Variants in BBS4 observed in about 807,000 individuals in gnomAD.
BBS4 encodes Bardet-Biedl syndrome 4.
BBS4 carries 58 observed loss-of-function variants against 71.4 expected under a neutral mutation model. The ratio of observed to expected loss-of-function variants is 0.81; its 90% confidence interval spans 0.66 to 1.01. The LOEUF (loss-of-function observed/expected upper bound fraction) is 1.01, where lower values mean the gene tolerates loss of function less well. Among genes scored for constraint, BBS4 ranks in the 50% least tolerant of loss-of-function variants. BBS4 has a pLI of 0.00. For missense variants in BBS4, 660 were observed against 607.9 expected, an observed-to-expected ratio of 1.09 and a Z score of -0.90; for synonymous variants, 228 against 216.8, an observed-to-expected ratio of 1.05 and a Z score of -0.46.
intron 4 of BBS4, 39 bp from the exon 5 acceptor site, chr15:72,715,252 A>T (rs751542455): frequency 6.7e-7 from 1 of 1,497,390 alleles, no homozygotes. Context: ...TTCCCAGAAC[A>T]TGGTTTTACT....
intron 2 of BBS4, among the ~76,000 whole-genome samples, chr15:72,698,475 G>A (rs1034492923): frequency 5.9e-5 from 9 of 152,012 alleles, no homozygotes; most frequent in Admixed American, 2.6e-4. Context: ...TTCATGTAAG[G>A]TGAATCATAC....
chr15:72,738,398 TATC>T lies in BBS4; in HGVS notation c.*817_*819del, dbSNP rs2065970891. The T allele has an allele frequency of 2.4e-6, 1 of 416,738 alleles. No homozygotes were observed. The highest frequency in any genetic ancestry group is 1.8e-5 in the South Asian group (1 of 56,510). 25.8% of individuals were successfully genotyped at this position (416,738 alleles called of 1,614,324 possible). On this transcript the variant is annotated 3_prime_UTR_variant, in exon 16 of 16. Coordinates refer to ENST00000268057, the MANE Select transcript of BBS4 (RefSeq NM_033028.5). The stretch of plus-strand genomic sequence containing the variant: ...TGTCCTTTTTAGAATAAAGATTACA[TATC>T]ATCATTCCTTTGGGGAAAATTGTTA...
rs1210370695 is a variant in BBS4, at chr15:72,713,347, A to ACACACG, written c.220+1043_220+1044insACGCAC. On this transcript the variant is annotated intron_variant, in intron 4 of 15. Transcript: ENST00000268057. ...CACACACACACACACACACACACAC[A>ACACACG]CACGCACACGCACGCACGCACTGGT... Among the ~76,000 whole-genome samples the ACACACG allele has an allele frequency of 1.9e-3, 221 of 118,754 alleles. No individual in the cohort carries two copies. The East Asian group carries it at 0.028, about 15-fold the overall frequency. 77.9% of individuals were successfully genotyped at this position (118,754 alleles called of 152,430 possible). A position where few individuals can be genotyped will look rare whatever the true frequency, so the allele number is the denominator to read the frequency against.
At chr15:72,723,244 T>C (rs1015166892) in intron 7 of BBS4, among the ~76,000 whole-genome samples, 3 of 152,344 alleles carry the variant, frequency 2.0e-5, no homozygotes, top group East Asian at 1.9e-4. Flanking sequence ...TTTAGGGTCA[T>C]TGAAAATAAA....
intron 2 of BBS4, among the ~76,000 whole-genome samples, chr15:72,702,674 T>C (rs2151006552): frequency 6.6e-6 from 1 of 152,190 alleles, no homozygotes; most frequent in South Asian, 2.1e-4. Context: ...CAGCCCAGTC[T>C]CTTCCTCTTC....
intron 1 of BBS4, among the ~76,000 whole-genome samples, chr15:72,687,343 C>T (rs2064876066): frequency 6.6e-6 from 1 of 151,982 alleles, no homozygotes; most frequent in Admixed American, 6.6e-5. Flanking sequence ...GTGCATCACG[C>T]CTGTAATCCC....
intron 1 of BBS4, chr15:72,686,453 C>T (rs2064839704): frequency 1.3e-6 from 2 of 1,532,328 alleles, no homozygotes; most frequent in East Asian, 2.5e-5. Flanking sequence ...AGCACAGGTC[C>T]TGTTCTAGGA....
Position 72,689,712 on chromosome 15 carries a change from TTGTC to T in BBS4, c.24+3464_24+3467del, listed in dbSNP as rs2064946857. 5.6e-5 allele frequency among the ~76,000 whole-genome samples: 4 copies of T among 71,870 alleles called. No homozygotes were observed. The South Asian group carries it at 3.4e-3, about 61-fold the overall frequency. The allele number at this position is 71,870 out of a possible 152,430, so 47.1% of individuals were successfully genotyped here. ...ACTCCAGCAGGGGCAGAGTGAGACTTTGTCTGAAAAAAACAAAAAATGAATGAGC... is the reference window on the plus strand; with the variant it reads ...ACTCCAGCAGGGGCAGAGTGAGACTTTGAAAAAAACAAAAAATGAATGAGC... On this transcript the variant is annotated intron_variant, in intron 1 of 15. Transcript: ENST00000268057.
chr15:72,709,364 A>G (rs1323118365), intron 2 of BBS4, among the ~76,000 whole-genome samples: 1 of 152,248 alleles, frequency 6.6e-6, no homozygotes, highest in East Asian at 1.9e-4. Context: ...TCCTTTAGAA[A>G]GTCTTTCTGT....
At chr15:72,708,049 C>G (rs1303885395) in intron 2 of BBS4, among the ~76,000 whole-genome samples, 1 of 151,736 alleles carries the variant, frequency 6.6e-6, no homozygotes, top group South Asian at 2.1e-4. Context: ...TCACTGTAAC[C>G]TCCTTCTCCC....
intron 1 of BBS4, chr15:72,686,728 GGCT>G: frequency 2.2e-6 from 1 of 457,562 alleles, no homozygotes; most frequent in South Asian, 1.9e-5. Flanking sequence ...TTCATCTGAA[GGCT>G]GAGTTGGGCG....
In BBS4 at chr15:72,738,119, G is replaced by A. The variant is rs775103822; in HGVS notation, c.*532G>A. The A allele has an allele frequency of 4.4e-6, 2 of 452,762 alleles. No homozygotes were observed. The highest frequency in any genetic ancestry group is 2.0e-5 in the African/African-American group (1 of 49,782). The allele number at this position is 452,762 out of a possible 1,614,324, so 28.0% of individuals were successfully genotyped here. On this transcript the variant is annotated 3_prime_UTR_variant, in exon 16 of 16. Coordinates refer to ENST00000268057, the MANE Select transcript of BBS4 (RefSeq NM_033028.5). ...AAGAAAAAAAACAAAAGCCCTGGAA[G>A]TTGAGGCCAAGCCTGCTGAGTATTG... is the stretch of plus-strand genomic sequence containing the variant.
intron 1 of BBS4, among the ~76,000 whole-genome samples, chr15:72,694,489 G>A (rs924583213): frequency 6.6e-6 from 1 of 152,140 alleles, no homozygotes; most frequent in African/African-American, 2.4e-5. Flanking sequence ...CTGGTGATAT[G>A]TTTTCTTGTT....
chr15:72,736,666 T>C, intron 14 of BBS4, 96 bp from the exon 15 acceptor site: 2 of 1,173,308 alleles, frequency 1.7e-6, no homozygotes, highest in Non-Finnish European at 2.5e-6. Context: ...CCAGACACTA[T>C]TTCAGCTAAA....
In BBS4 at chr15:72,738,226, T is replaced by TCCTATCAGGATGAGGAG; in HGVS notation, c.*641_*657dup. 1 of 453,836 alleles carries TCCTATCAGGATGAGGAG rather than the reference T, an allele frequency of 2.2e-6. No homozygotes were observed. The highest frequency in any genetic ancestry group is 4.4e-6 in the Non-Finnish European group (1 of 226,726). 28.1% of individuals were successfully genotyped at this position (453,836 alleles called of 1,614,324 possible). A position where few individuals can be genotyped will look rare whatever the true frequency, so the allele number is the denominator to read the frequency against. ...GAGAGGGGTCAGTCTAGAAGCTAGA[T>TCCTATCAGGATGAGGAG]CCTATCAGGATGAGGAGCAGCAGCC... On this transcript the variant is annotated 3_prime_UTR_variant, in exon 16 of 16. Transcript: ENST00000268057.
Position 72,724,634 on chromosome 15 carries a change from A to G in BBS4, c.566A>G (p.Glu189Gly). ...GAGGGAGACTTGGACAAGGCCATTG[A>G]AGTCTACAAGAAAGCAGTGGAGTAA... is the stretch of plus-strand genomic sequence containing the variant. ...LLEGDLDKAI[E>G]VYKKAVEFSP... The change falls in exon 8 of 16, where the codon GAA becomes GGA. Residue 189 changes from glutamate (E) to glycine (G), a missense_variant. Transcript: ENST00000268057. The G allele has an allele frequency of 1.2e-6, 2 of 1,614,112 alleles. No individual in the cohort carries two copies. The highest frequency in any genetic ancestry group is 1.7e-6 in the Non-Finnish European group (2 of 1,179,962).
chr15:72,699,893 T>G (rs1432572441), intron 2 of BBS4, among the ~76,000 whole-genome samples: 1 of 152,340 alleles, frequency 6.6e-6, no homozygotes, highest in African/African-American at 2.4e-5. Flanking sequence ...CTCCTGTTAA[T>G]GAGTATTTGC....
rs74024328 is a variant in BBS4 at position 72,715,254 on chromosome 15, G to A, written c.221-37G>A. The A allele has an allele frequency of 1.5e-3, 2,221 of 1,508,742 alleles. 29 individuals carry two copies. The African/African-American group carries it at 0.026, about 18-fold the overall frequency. 93.5% of individuals were successfully genotyped at this position (1,508,742 alleles called of 1,614,324 possible). On this transcript the variant is annotated intron_variant, in intron 4 of 15. Coordinates refer to ENST00000268057, the MANE Select transcript of BBS4 (RefSeq NM_033028.5). Reference sequence around the variant, plus strand: ...CCAGGCTCCATTCTTCCCAGAACATGGTTTTACTTTTTTTTGTATTTTCTG... The same window carrying A: ...CCAGGCTCCATTCTTCCCAGAACATAGTTTTACTTTTTTTTGTATTTTCTG...
At chr15:72,688,294 T>A (rs566059263) in intron 1 of BBS4, among the ~76,000 whole-genome samples, 4 of 152,086 alleles carry the variant, frequency 2.6e-5, no homozygotes, top group Admixed American at 6.5e-5. Flanking sequence ...AAGTTAACTG[T>A]TTTCATTGTT....
Sources: allele counts gnomAD v4.1 joint callset (sites outside exome capture counted in the v4.1 genomes callset), GRCh38; gene constraint gnomAD v4.1.1; transcripts MANE v1.5; gene names NCBI Gene and HGNC (gene_info 2026-07-23, HGNC 2026-07-21).